Variants in PRPF40B observed in about 807,000 individuals in gnomAD.
PRPF40B encodes the protein pre-mRNA processing factor 40B, also known as pre-mRNA-processing factor 40 homolog B.
A neutral mutation model predicts 124.5 loss-of-function variants in PRPF40B; 56 were observed. The ratio of observed to expected loss-of-function variants is 0.45; its 90% CI spans 0.36 to 0.56. The LOEUF (loss-of-function observed/expected upper bound fraction) is 0.56, where lower values mean the gene tolerates loss of function less well. Among genes scored for constraint, PRPF40B ranks in the 20% least tolerant of loss-of-function variants. The pLI is 0.00. For missense variants in PRPF40B, 1,053 were observed against 1,169.5 expected, an observed-to-expected ratio of 0.90 and a Z score of 1.45; for synonymous variants, 443 against 426.4, an observed-to-expected ratio of 1.04 and a Z score of -0.48.
At position 49,631,396 on chromosome 12, in the gene PRPF40B, T is replaced by C. The variant is rs1283238129; in HGVS notation, c.85-5T>C. ...CTCAGTATCTCTTCCTTTACTCATT[T>C]CCAGATGCCCCCTCCAGGGATCCCC... On this transcript the variant is annotated splice_region_variant and splice_polypyrimidine_tract_variant and intron_variant, in intron 2 of 25. Coordinates refer to ENST00000548825, the MANE Select transcript of PRPF40B (RefSeq NM_001031698.3). The surrounding 1 kb of genome is among the most constrained non-coding windows in gnomAD (Gnocchi z 4.3). The C allele has an allele frequency of 1.3e-6, 2 of 1,511,962 alleles. No individual in the cohort carries two copies. Among genetic ancestry groups the C allele is most frequent in the Non-Finnish European group, 1.8e-6 (2 of 1,133,924 alleles). The allele number at this position is 1,511,962 out of a possible 1,614,324, so 93.7% of individuals were successfully genotyped here. A position where few individuals can be genotyped will look rare whatever the true frequency, so the allele number is the denominator to read the frequency against.
At chr12:49,643,424 C>T in intron 23 of PRPF40B, 27 bp downstream of exon 23, 2 of 1,531,940 alleles carry the variant, frequency 1.3e-6, no homozygotes, top group Non-Finnish European at 8.8e-7. Context: ...AGCGTAGAAG[C>T]TGGAGAACTG....
Position 49,632,673 on chromosome 12 carries a change from T to C in PRPF40B, c.322+50T>C. On this transcript the variant is annotated intron_variant, in intron 5 of 25. Coordinates refer to ENST00000548825, the MANE Select transcript of PRPF40B (RefSeq NM_001031698.3). The stretch of plus-strand genomic sequence containing the variant: ...CCCCAGGCTCGGAGGTTGGGGGGCA[T>C]AGGGGAGAGGGGACCGTGGACTGGA... 1.9e-6 allele frequency: 3 copies of C among 1,608,744 alleles called. No homozygotes were observed. The South Asian group carries it at 3.3e-5, about 18-fold the overall frequency.
At chr12:49,640,644 C>T (rs1398120438) in intron 18 of PRPF40B, 1 of 152,190 alleles carries the variant, frequency 6.6e-6, no homozygotes, top group African/African-American at 2.4e-5. Flanking sequence ...GTCTCTGAGC[C>T]TGTTTGCTCA....
At chr12:49,623,399 CG>C (rs927724241), upstream of PRPF40B, 26 of 361,778 alleles carry the variant, frequency 7.2e-5, no homozygotes, top group South Asian at 1.3e-4. Flanking sequence ...TTCTCCGTGC[CG>C]GGGGGGCGGG....
chr12:49,628,764 C>T (rs1294455427), intron 1 of PRPF40B, among the ~76,000 whole-genome samples: 1 of 151,966 alleles, frequency 6.6e-6, no homozygotes, highest in African/African-American at 2.4e-5. Flanking sequence ...GACAGGATTT[C>T]ACCGTGTTGG....
rs759115586 is a variant in PRPF40B, at chr12:49,642,363, C to G, written c.2013C>G (p.Ala671=). ...TGCCTGCTCTGGAGCTAGGCACTGCCTGGGAAGAGGTCAGGAGCGTAGCCT... is the reference window on the plus strand; with the variant it reads ...TGCCTGCTCTGGAGCTAGGCACTGCGTGGGAAGAGGTCAGGAGCGTAGCCT... ...QAVPALELGT[A]WEEVRERFVC... is the part of the protein sequence containing the mutation. The change falls in exon 20 of 26, where the codon GCC becomes GCG. Residue 671 remains alanine, a synonymous_variant. Coordinates refer to ENST00000548825, the MANE Select transcript of PRPF40B (RefSeq NM_001031698.3). This position sits in a 1 kb window ranked among gnomAD's most constrained non-coding sequence, Gnocchi z 5.8. 1 of 1,613,778 alleles carries G rather than the reference C, an allele frequency of 6.2e-7. No individual in the cohort carries two copies. The highest frequency in any genetic ancestry group is 1.1e-5 in the South Asian group (1 of 91,062).
chr12:49,625,254 C>A (rs1232847910), intron 1 of PRPF40B, among the ~76,000 whole-genome samples: 1 of 152,228 alleles, frequency 6.6e-6, no homozygotes, highest in Non-Finnish European at 1.5e-5. Context: ...TGGGAGGCAG[C>A]TTTGTGAACT....
At chr12:49,626,692 G>A (rs991008763) in intron 1 of PRPF40B, among the ~76,000 whole-genome samples, 16 of 152,170 alleles carry the variant, frequency 1.1e-4, no homozygotes, top group South Asian at 2.1e-4. Flanking sequence ...GAAAGATTTT[G>A]TAGGGTAGGC....
chr12:49,631,362 T>G lies in PRPF40B; in HGVS notation c.85-39T>G, dbSNP rs764388500. On this transcript the variant is annotated intron_variant, in intron 2 of 25. Coordinates refer to ENST00000548825, the MANE Select transcript of PRPF40B (RefSeq NM_001031698.3). This position sits in a 1 kb window ranked among gnomAD's most constrained non-coding sequence, Gnocchi z 4.3. ...CCTCTCTACCTCTGACAAGGCGATG[T>G]CTTCCCTGCTCAGTATCTCTTCCTT... 39 of 1,447,664 alleles carry G rather than the reference T, an allele frequency of 2.7e-5. 1 individual carries two copies. The South Asian group carries it at 4.6e-4, about 17-fold the overall frequency. 89.7% of individuals were successfully genotyped at this position (1,447,664 alleles called of 1,614,324 possible).
In PRPF40B at chr12:49,644,024, G is replaced by C. The variant is rs376011378; in HGVS notation, c.2586+20G>C. On this transcript the variant is annotated intron_variant, in intron 25 of 25. Transcript: ENST00000548825. Reference sequence around the variant, plus strand: ...GAGAAGGTGAGGGGCAGGGGCCCTAGGCCAGTCAGCACGCTGGTCAAGCTT... The same window carrying C: ...GAGAAGGTGAGGGGCAGGGGCCCTACGCCAGTCAGCACGCTGGTCAAGCTT... The C allele has an allele frequency of 5.0e-6, 8 of 1,614,046 alleles. No homozygotes were observed. Among genetic ancestry groups the C allele is most frequent in the Non-Finnish European group, 6.8e-6 (8 of 1,180,014 alleles).
intron 7 of PRPF40B, 36 bp from the exon 8 acceptor site, chr12:49,633,391 C>T (rs1236800444): frequency 6.2e-7 from 1 of 1,613,228 alleles, no homozygotes; most frequent in Non-Finnish European, 8.5e-7. Flanking sequence ...AGAACTTGCC[C>T]ATCCCACTGA....
At chr12:49,632,498 T>C in intron 4 of PRPF40B, 98 bp from the exon 5 acceptor site, 2 of 1,289,718 alleles carry the variant, frequency 1.6e-6, no homozygotes, top group Non-Finnish European at 2.2e-6. Context: ...GCAGGACACA[T>C]GGATTCTGGC....
intron 12 of PRPF40B, 126 bp from the exon 13 acceptor site, chr12:49,634,973 G>A: frequency 2.0e-6 from 2 of 1,006,086 alleles, no homozygotes; most frequent in Non-Finnish European, 2.9e-6. Context: ...ATGGTGTTCA[G>A]ATCCCAGACA....
At chr12:49,632,655 C>T in intron 5 of PRPF40B, 32 bp downstream of exon 5, 1 of 1,612,070 alleles carries the variant, frequency 6.2e-7, no homozygotes, top group Admixed American at 1.7e-5. Context: ...TCCCCCCAGG[C>T]TCGGAGGTTG....
At chr12:49,643,626 T>A (rs545601493) in intron 23 of PRPF40B, 65 bp from the exon 24 acceptor site, 1 of 1,544,492 alleles carries the variant, frequency 6.5e-7, no homozygotes, top group African/African-American at 1.4e-5. Context: ...ACAGAGGGGC[T>A]AGAACAAAGA....
chr12:49,642,160 T>A lies in PRPF40B; in HGVS notation c.1885-75T>A. 1 of 1,611,680 alleles carries A rather than the reference T, an allele frequency of 6.2e-7. No homozygotes were observed. Among genetic ancestry groups the A allele is most frequent in the South Asian group, 1.1e-5 (1 of 90,906 alleles). On this transcript the variant is annotated intron_variant, in intron 19 of 25. Coordinates refer to ENST00000548825, the MANE Select transcript of PRPF40B (RefSeq NM_001031698.3). This position sits in a 1 kb window ranked among gnomAD's most constrained non-coding sequence, Gnocchi z 5.8. ...GAAGCCCAGACCCTAACTTTCCACC[T>A]CCTAAGGTATGCCTGAGTGGGACCT... is the stretch of plus-strand genomic sequence containing the variant.
upstream of PRPF40B, chr12:49,623,418 C>T: frequency 2.0e-6 from 1 of 492,488 alleles, no homozygotes; most frequent in Non-Finnish European, 3.0e-6. Context: ...GGGGCCGGGA[C>T]CGAACACACC....
intron 18 of PRPF40B, chr12:49,641,082 C>T (rs1246623859): frequency 6.6e-6 from 1 of 152,246 alleles, no homozygotes; most frequent in African/African-American, 2.4e-5. Context: ...GAGAGCCAGA[C>T]TTTGAACTCC....
Position 49,635,737 on chromosome 12 carries a change from T to C in PRPF40B, c.1276-106T>C, listed in dbSNP as rs957575988. The stretch of plus-strand genomic sequence containing the variant: ...AGACATGAAAGTCTTGAGTATGGCC[T>C]TCTTCCTAGGGTTCCCTAGCTACCT... On this transcript the variant is annotated intron_variant, in intron 14 of 25. Coordinates refer to ENST00000548825, the MANE Select transcript of PRPF40B (RefSeq NM_001031698.3). This position sits in a 1 kb window ranked among gnomAD's most constrained non-coding sequence, Gnocchi z 4.1. 3.1e-5 allele frequency: 43 copies of C among 1,391,762 alleles called. No individual in the cohort carries two copies. The highest frequency in any genetic ancestry group is 4.3e-5 in the African/African-American group (3 of 70,284). 86.2% of individuals were successfully genotyped at this position (1,391,762 alleles called of 1,614,324 possible).
Sources: allele counts gnomAD v4.1 joint callset (sites outside exome capture counted in the v4.1 genomes callset), GRCh38; gene constraint gnomAD v4.1.1; non-coding constraint Gnocchi (gnomAD v3.1); transcripts MANE v1.5; gene names NCBI Gene and HGNC (gene_info 2026-07-23, HGNC 2026-07-21).